The following ASTN2 variants were observed in gnomAD, a reference collection of about 807,000 sequenced individuals.
ASTN2 encodes astrotactin-2.
Under a neutral mutation model 139.8 loss-of-function variants are expected in ASTN2, and 54 were observed. The ratio of observed to expected loss-of-function variants is 0.39; its 90% CI spans 0.31 to 0.48. The LOEUF is 0.48. ASTN2 is among the 20% of genes least tolerant of loss of function. The pLI is 0.95. For synonymous variants in ASTN2, 756 were observed against 719.5 expected (o/e 1.05, Z -0.81); for missense variants, 1,565 against 1,725.1 (o/e 0.91, Z 1.64).
chr9:116,836,758 C>G (rs1375983067), intron 11 of ASTN2, among the ~76,000 whole-genome samples: 1 of 152,004 alleles, frequency 6.6e-6, no homozygotes, highest in African/African-American at 2.4e-5. Flanking sequence ...AATGCTCCAC[C>G]TTTCAGTCTT....
At chr9:116,543,387 A>G (rs933169098) in intron 19 of ASTN2, among the ~76,000 whole-genome samples, 3 of 151,666 alleles carry the variant, frequency 2.0e-5, no homozygotes, top group Non-Finnish European at 2.9e-5. Flanking sequence ...GCAATGATCC[A>G]TCATTTTACC....
Position 117,101,075 on chromosome 9 carries a change from A to G in ASTN2, c.1169-4924T>C, listed in dbSNP as rs145062657. On this transcript the variant is annotated intron_variant, in intron 4 of 22. Coordinates refer to ENST00000313400, the MANE Select transcript of ASTN2 (RefSeq NM_001365068.1). ...CATGTAAACATTCTGCACAAAGACC[A>G]AGAAGTGAGAGTCAGGGCACATTCC... Among the ~76,000 whole-genome samples the G allele has an allele frequency of 2.7e-3, 414 of 152,312 alleles. 2 individuals are homozygous for G. Among genetic ancestry groups the G allele is most frequent in the African/African-American group, 9.2e-3 (381 of 41,570 alleles).
chr9:117,308,921 G>A (rs1439489997), intron 1 of ASTN2, among the ~76,000 whole-genome samples: 1 of 152,118 alleles, frequency 6.6e-6, no homozygotes, highest in Non-Finnish European at 1.5e-5. Flanking sequence ...GTGAAAACTT[G>A]AGTGAACTTT....
intron 7 of ASTN2, among the ~76,000 whole-genome samples, chr9:116,977,145 T>C (rs1490672474): frequency 6.6e-6 from 1 of 152,192 alleles, no homozygotes; most frequent in Non-Finnish European, 1.5e-5. Flanking sequence ...ATTAAAATTA[T>C]GATAAAATGC....
chr9:117,123,352 G>C (rs1829606839), intron 4 of ASTN2, among the ~76,000 whole-genome samples: 1 of 151,982 alleles, frequency 6.6e-6, no homozygotes, highest in African/African-American at 2.4e-5. Context: ...TAAGAGACTG[G>C]ACTTTGGGGT....
chr9:117,394,515 G>C (rs7873755), intron 1 of ASTN2, among the ~76,000 whole-genome samples: 1 of 152,108 alleles, frequency 6.6e-6, no homozygotes, highest in Non-Finnish European at 1.5e-5. Flanking sequence ...GATAAATAAA[G>C]TGTCCTGAAT....
At chr9:117,371,185 G>A (rs963710749) in intron 1 of ASTN2, among the ~76,000 whole-genome samples, 4 of 151,506 alleles carry the variant, frequency 2.6e-5, no homozygotes, top group Non-Finnish European at 5.9e-5. Flanking sequence ...GGAGGGCCAA[G>A]AGTAAACCCA....
In ASTN2 at chr9:116,439,314, C is replaced by T. The variant is rs1372315175; in HGVS notation, c.3782+1295G>A. Among the ~76,000 whole-genome samples, 2 of 137,954 alleles carry T rather than the reference C, an allele frequency of 1.4e-5. 1 individual carries two copies. Among genetic ancestry groups the T allele is most frequent in the African/African-American group, 5.8e-5 (2 of 34,478 alleles). The allele number at this position is 137,954 out of a possible 152,430, so 90.5% of individuals were successfully genotyped here. A position where few individuals can be genotyped will look rare whatever the true frequency, so the allele number is the denominator to read the frequency against. On this transcript the variant is annotated intron_variant, in intron 22 of 22. Coordinates refer to ENST00000313400, the MANE Select transcript of ASTN2 (RefSeq NM_001365068.1). Reference sequence around the variant, plus strand: ...CTCCCGGGTTCACGCCATTCTCCTGCCTCAGCCTCCCGAGTAGCTGGGACT... The same window carrying T: ...CTCCCGGGTTCACGCCATTCTCCTGTCTCAGCCTCCCGAGTAGCTGGGACT...
chr9:116,765,067 A>T (rs1193468163), intron 13 of ASTN2, among the ~76,000 whole-genome samples: 2 of 152,126 alleles, frequency 1.3e-5, no homozygotes, highest in Non-Finnish European at 2.9e-5. Flanking sequence ...TACCTCTACA[A>T]AATACGTGCT....
chr9:117,079,500 G>T (rs1192923453), intron 5 of ASTN2, among the ~76,000 whole-genome samples: 1 of 152,158 alleles, frequency 6.6e-6, no homozygotes, highest in Admixed American at 6.5e-5. Context: ...TGCAGATAGG[G>T]TTGGGAACCA....
Position 117,052,638 on chromosome 9 carries a change from A to T in ASTN2, c.1277-12673T>A, listed in dbSNP as rs114323205. Among the ~76,000 whole-genome samples the T allele has an allele frequency of 4.1e-3, 617 of 152,268 alleles. 3 individuals are homozygous for T. Among genetic ancestry groups the T allele is most frequent in the African/African-American group, 0.014 (595 of 41,546 alleles). On this transcript the variant is annotated intron_variant, in intron 5 of 22. Coordinates refer to ENST00000313400, the MANE Select transcript of ASTN2 (RefSeq NM_001365068.1). ...CAGAAATAGGAGACAGACCATGTAG[A>T]CTGGAGGATAGTGAGTTTACAGTAA...
At chr9:117,138,578 G>A (rs1423662300) in intron 4 of ASTN2, among the ~76,000 whole-genome samples, 2 of 152,216 alleles carry the variant, frequency 1.3e-5, no homozygotes, top group Admixed American at 1.3e-4. Context: ...ATTTTAAGCA[G>A]GGGAGGGGCT....
chr9:116,972,439 T>C (rs1231291618), intron 10 of ASTN2, among the ~76,000 whole-genome samples: 2 of 152,194 alleles, frequency 1.3e-5, no homozygotes, highest in Non-Finnish European at 2.9e-5. Context: ...AAATGAGTGC[T>C]TCTATTCGTA....
At chr9:116,816,824 T>C (rs17292701) in intron 12 of ASTN2, among the ~76,000 whole-genome samples, 2,383 of 151,928 alleles carry the variant, frequency 0.016, 27 homozygotes, top group East Asian at 0.035. Flanking sequence ...CCAAGAGATG[T>C]CAAGATTTCA....
intron 13 of ASTN2, among the ~76,000 whole-genome samples, chr9:116,766,766 A>T (rs922293009): frequency 6.6e-6 from 1 of 152,034 alleles, no homozygotes; most frequent in East Asian, 1.9e-4. Flanking sequence ...ATAAACGCAC[A>T]TACATTCATA....
At chr9:117,249,579 C>T (rs1409397220) in intron 2 of ASTN2, among the ~76,000 whole-genome samples, 1 of 152,088 alleles carries the variant, frequency 6.6e-6, no homozygotes, top group Non-Finnish European at 1.5e-5. Context: ...GCATGACGAT[C>T]GAAGGCCATG....
At chr9:116,563,374 C>A (rs1226862309) in intron 19 of ASTN2, among the ~76,000 whole-genome samples, 1 of 134,294 alleles carries the variant, frequency 7.4e-6, no homozygotes, top group African/African-American at 3.0e-5. Context: ...GACTCTGTCT[C>A]AAAAAAATAA....
intron 22 of ASTN2, among the ~76,000 whole-genome samples, chr9:116,428,765 C>T (rs1292889233): frequency 1.3e-5 from 2 of 152,150 alleles, no homozygotes; most frequent in Non-Finnish European, 2.9e-5. Context: ...CTGTGTGATA[C>T]TGAGTGAAGT....
chr9:117,007,945 A>G (rs1837404259), intron 7 of ASTN2, 147 bp downstream of exon 7: 2 of 800,990 alleles, frequency 2.5e-6, no homozygotes, highest in Non-Finnish European at 1.8e-6. Context: ...CAGCACATAC[A>G]TTAGTGTTTA....
Sources: allele counts gnomAD v4.1 joint callset (sites outside exome capture counted in the v4.1 genomes callset), GRCh38; gene constraint gnomAD v4.1.1; transcripts MANE v1.5; gene names NCBI Gene and HGNC (gene_info 2026-07-23, HGNC 2026-07-21).